NRXN3: variants seen among roughly 807,000 people sequenced by gnomAD.
NRXN3 encodes the protein neurexin 3, also known as neurexin III.
In NRXN3, 32 loss-of-function variants were observed where a neutral mutation model predicts 137.6. The observed-to-expected ratio is 0.23, with a 90% CI of 0.18 to 0.31. The LOEUF is 0.31. Among genes scored for constraint, NRXN3 ranks in the 10% least tolerant of loss-of-function variants. The probability of loss-of-function intolerance (pLI) is 1.00; values close to 1 mark genes in which losing one functional copy is unlikely to be tolerated. For missense variants in NRXN3, 1,574 were observed against 2,062.5 expected (o/e 0.76, Z 4.59); for synonymous variants, 798 against 784.5 (o/e 1.02, Z -0.29).
chr14:79,016,975 A>G (rs2099580336), intron 15 of NRXN3, among the ~76,000 whole-genome samples: 1 of 152,180 alleles, frequency 6.6e-6, no homozygotes, highest in African/African-American at 2.4e-5. Context: ...GGCAGACAGC[A>G]GTAAACCCTG....
Position 79,854,090 on chromosome 14 carries a change from T to C in NRXN3, c.4094-7252T>C, listed in dbSNP as rs1159012302. On this transcript the variant is annotated intron_variant, in intron 20 of 20. Transcript: ENST00000335750. Reference sequence around the variant, plus strand: ...ATTAGACATTTTGCTCAAAAGTTTTTAAGAAATGACAACAAAAAAAGCAAG... The same window carrying C: ...ATTAGACATTTTGCTCAAAAGTTTTCAAGAAATGACAACAAAAAAAGCAAG... The C allele has an allele frequency of 8.1e-6, 8 of 983,386 alleles. No homozygotes were observed. In the African/African-American group the frequency reaches 8.7e-5, roughly 11 times the overall value. 60.9% of individuals were successfully genotyped at this position (983,386 alleles called of 1,614,324 possible).
At chr14:78,550,064 C>T (rs1346700940) in intron 4 of NRXN3, among the ~76,000 whole-genome samples, 1 of 140,164 alleles carries the variant, frequency 7.1e-6, no homozygotes, top group African/African-American at 2.7e-5. Context: ...GACAGGATCT[C>T]ACTTTGTCAC....
At chr14:78,563,691 A>C (rs555689092) in intron 4 of NRXN3, among the ~76,000 whole-genome samples, 7 of 152,312 alleles carry the variant, frequency 4.6e-5, no homozygotes, top group African/African-American at 1.7e-4. Flanking sequence ...CCTTCATGTA[A>C]ATGATTTATC....
intron 15 of NRXN3, among the ~76,000 whole-genome samples, chr14:79,231,168 C>G (rs889915154): frequency 6.6e-6 from 1 of 152,130 alleles, no homozygotes; most frequent in Non-Finnish European, 1.5e-5. Flanking sequence ...TGTCTTGACT[C>G]TCTCTGATTG....
intron 4 of NRXN3, among the ~76,000 whole-genome samples, chr14:78,630,597 C>CTTTTT (rs370862037): frequency 6.0e-4 from 77 of 127,792 alleles, no homozygotes; most frequent in East Asian, 4.3e-3. Flanking sequence ...TTCTTTCTTT[C>CTTTTT]TTTTTTTTTT....
rs561005081 is a variant in NRXN3, at chr14:79,280,038, G to A, written c.3263-187183G>A. The A allele has an allele frequency of 1.6e-5, 21 of 1,307,686 alleles. No individual in the cohort carries two copies. In the South Asian group the frequency reaches 3.8e-4, roughly 24 times the overall value. 81.0% of individuals were successfully genotyped at this position (1,307,686 alleles called of 1,614,324 possible). A position where few individuals can be genotyped will look rare whatever the true frequency, so the allele number is the denominator to read the frequency against. The stretch of plus-strand genomic sequence containing the variant: ...CTCCGTAGGAGGTTTGCTATACCTG[G>A]GAGGACCCTGGCATTCTAAATTTCA... On this transcript the variant is annotated intron_variant, in intron 15 of 20. Transcript: ENST00000335750.
At chr14:78,280,253 A>G (rs1431945999) in intron 3 of NRXN3, among the ~76,000 whole-genome samples, 1 of 152,162 alleles carries the variant, frequency 6.6e-6, no homozygotes, top group Non-Finnish European at 1.5e-5. Context: ...ACACATATCT[A>G]TGTATATATA....
intron 2 of NRXN3, among the ~76,000 whole-genome samples, chr14:78,247,134 C>A (rs181958032): frequency 6.6e-6 from 1 of 152,158 alleles, no homozygotes; most frequent in Non-Finnish European, 1.5e-5. Context: ...TATCTCCAGC[C>A]CCCCTGCGGT....
chr14:79,802,337 C>T (rs2099185085), intron 19 of NRXN3, among the ~76,000 whole-genome samples: 1 of 152,152 alleles, frequency 6.6e-6, no homozygotes, highest in South Asian at 2.1e-4. Flanking sequence ...TAATAATTTC[C>T]AGTTGAACAC....
chr14:78,718,156 G>A (rs1274009002), intron 8 of NRXN3, among the ~76,000 whole-genome samples: 1 of 152,098 alleles, frequency 6.6e-6, no homozygotes, highest in African/African-American at 2.4e-5. Context: ...TTTTTATTAT[G>A]TAGAAGCATT....
intron 15 of NRXN3, among the ~76,000 whole-genome samples, chr14:79,395,808 CA>C (rs11300542): frequency 0.045 from 4,018 of 89,156 alleles, 83 homozygotes; most frequent in East Asian, 0.13. Flanking sequence ...GACTCCATCT[CA>C]AAAAAAAAAA....
At chr14:79,834,176 C>T (rs922200620) in intron 20 of NRXN3, among the ~76,000 whole-genome samples, 7 of 152,100 alleles carry the variant, frequency 4.6e-5, no homozygotes, top group African/African-American at 7.2e-5. Context: ...AATATTAACA[C>T]GGTATTCTTA....
intron 15 of NRXN3, among the ~76,000 whole-genome samples, chr14:79,074,351 T>C (rs1455169417): frequency 6.6e-6 from 1 of 152,230 alleles, no homozygotes; most frequent in Non-Finnish European, 1.5e-5. Flanking sequence ...TGAAAGGTAT[T>C]ATAACATTTT....
intron 15 of NRXN3, among the ~76,000 whole-genome samples, chr14:79,198,892 G>A (rs1171954573): frequency 6.6e-6 from 1 of 152,220 alleles, no homozygotes. Flanking sequence ...AACTGGCCAG[G>A]TGCGGTGGCT....
At chr14:79,550,948 A>T (rs1318444510) in intron 16 of NRXN3, among the ~76,000 whole-genome samples, 1 of 152,238 alleles carries the variant, frequency 6.6e-6, no homozygotes, top group Non-Finnish European at 1.5e-5. Context: ...CATAAACAAA[A>T]GTTCCTAAAG....
intron 4 of NRXN3, among the ~76,000 whole-genome samples, chr14:78,642,439 A>G (rs970036672): frequency 7.2e-5 from 11 of 152,202 alleles, no homozygotes; most frequent in African/African-American, 2.7e-4. Flanking sequence ...TGTTCTGTCA[A>G]ACTTTTCCCC....
rs74568665 is a variant in NRXN3 at position 79,723,533 on chromosome 14, G to A, written c.4014+25596G>A. Among the ~76,000 whole-genome samples the A allele has an allele frequency of 2.2e-3, 329 of 152,084 alleles. 8 individuals carry two copies. The East Asian group carries it at 0.04, about 18-fold the overall frequency. On this transcript the variant is annotated intron_variant, in intron 19 of 20. Transcript: ENST00000335750. ...TCTGTGCTATTAATAACCTGAGCAG[G>A]GTTTTCATGCCTCCTTCCCCTTTGT...
intron 15 of NRXN3, among the ~76,000 whole-genome samples, chr14:79,235,806 T>A (rs1213366857): frequency 6.6e-6 from 1 of 151,998 alleles, no homozygotes; most frequent in Non-Finnish European, 1.5e-5. Context: ...AAATCTGTAA[T>A]GAATGACTCT....
intron 15 of NRXN3, among the ~76,000 whole-genome samples, chr14:79,013,129 A>G (rs948361017): frequency 1.3e-5 from 2 of 152,204 alleles, no homozygotes; most frequent in Non-Finnish European, 2.9e-5. Context: ...AAATTCATTT[A>G]CTAAGTATAT....
Sources: gnomAD v4.1 joint callset for allele counts (sites outside exome capture counted in the v4.1 genomes callset) on GRCh38, gnomAD v4.1.1 for gene constraint, MANE v1.5 for transcripts, NCBI Gene and HGNC (gene_info 2026-07-23, HGNC 2026-07-21) for gene names.